Variants in PRRC2B observed in about 807,000 individuals in gnomAD.
The protein encoded by PRRC2B is proline rich coiled-coil 2B, also known as protein PRRC2B.
PRRC2B carries 68 observed loss-of-function variants against 242.3 expected under a neutral mutation model. The observed-to-expected ratio is 0.28, with a 90% CI of 0.23 to 0.34. PRRC2B has a LOEUF of 0.34. PRRC2B is among the 10% of genes least tolerant of loss of function. PRRC2B has a pLI of 1.00. For synonymous variants in PRRC2B, 1,228 were observed against 1,173.6 expected, an observed-to-expected ratio of 1.05 and a Z score of -0.95; for missense variants, 2,835 against 2,954.8, an observed-to-expected ratio of 0.96 and a Z score of 0.94.
intron 1 of PRRC2B, among the ~76,000 whole-genome samples, chr9:131,402,199 G>T (rs1837245841): frequency 6.6e-6 from 1 of 152,134 alleles, no homozygotes; most frequent in Non-Finnish European, 1.5e-5. Flanking sequence ...CAAGCGATTT[G>T]CCTGCCTCGG....
rs571966083 is a variant in PRRC2B at position 131,462,713 on chromosome 9, C to T, written c.1405-2050C>T. ...ATTAGCCAGGCGTGGTGCCGCACGC[C>T]GGTATTCCCAGCTACTCAGGAGGCT... On this transcript the variant is annotated intron_variant, in intron 11 of 31. Coordinates refer to ENST00000683519, the MANE Select transcript of PRRC2B (RefSeq NM_013318.4). Among the ~76,000 whole-genome samples the T allele has an allele frequency of 4.6e-5, 7 of 151,034 alleles. No individual in the cohort carries two copies. The South Asian group carries it at 1.1e-3, about 23-fold the overall frequency.
At position 131,423,699 on chromosome 9, in the gene PRRC2B, T is replaced by C. The variant is rs1837907594; in HGVS notation, c.-51-6395T>C. Among the ~76,000 whole-genome samples the C allele has an allele frequency of 2.0e-5, 3 of 152,228 alleles. No individual in the cohort carries two copies. The South Asian group carries it at 6.2e-4, about 32-fold the overall frequency. On this transcript the variant is annotated intron_variant, in intron 1 of 31. Transcript: ENST00000683519. ...GCTTTGTGGGCCATAGATGGCCTCT[T>C]GCTTATTTCTCTTCAGGCTGCCGGC...
intron 5 of PRRC2B, among the ~76,000 whole-genome samples, chr9:131,440,036 T>G (rs1358305059): frequency 6.6e-6 from 1 of 152,024 alleles, no homozygotes; most frequent in Non-Finnish European, 1.5e-5. Flanking sequence ...CACAGGCGCA[T>G]GCACCACCAC....
chr9:131,485,991 G>T, intron 25 of PRRC2B, 94 bp from the exon 26 acceptor site: 1 of 886,872 alleles, frequency 1.1e-6, no homozygotes, highest in Non-Finnish European at 1.9e-6. Flanking sequence ...GAGTCCCCTG[G>T]GTAGAGCAGA....
intron 1 of PRRC2B, among the ~76,000 whole-genome samples, chr9:131,420,453 T>TCTC (rs1837776424): frequency 6.6e-5 from 4 of 61,056 alleles, no homozygotes; most frequent in Admixed American, 6.4e-4. Context: ...TTCTTTTTCT[T>TCTC]TTTCTTTCTT....
chr9:131,375,918 G>A (rs1464996701), intron 1 of PRRC2B, among the ~76,000 whole-genome samples: 1 of 150,828 alleles, frequency 6.6e-6, no homozygotes. Flanking sequence ...GCATGGTGGC[G>A]ATTGCCTGTA....
At position 131,477,762 on chromosome 9, in the gene PRRC2B, G is replaced by A. The variant is rs775618866; in HGVS notation, c.4425G>A (p.Leu1475=). 2 of 1,607,754 alleles carry A rather than the reference G, an allele frequency of 1.2e-6. No homozygotes were observed. The highest frequency in any genetic ancestry group is 2.2e-5 in the East Asian group (1 of 44,832). Residue 1475 remains leucine (L), a synonymous_variant, in exon 17 of 32, where the codon TTG becomes TTA. Transcript: ENST00000683519. The part of the protein sequence containing the change: ...LKVKRSPDEA[L]PGGLSGCSSG... ...CTTACAGATCCCCAGACGAGGCCTT[G>A]CCTGGAGGTCTTAGTGGCTGCAGCA...
chr9:131,398,555 A>G (rs1306731536), intron 1 of PRRC2B, among the ~76,000 whole-genome samples: 3 of 152,162 alleles, frequency 2.0e-5, no homozygotes, highest in Non-Finnish European at 4.4e-5. Context: ...CCTTTCCAAG[A>G]TAACCATCAG....
At chr9:131,429,787 C>G (rs1838074083) in intron 1 of PRRC2B, among the ~76,000 whole-genome samples, 1 of 152,068 alleles carries the variant, frequency 6.6e-6, no homozygotes. Flanking sequence ...GTTTACATGT[C>G]AGTGTGGTTG....
At position 131,475,055 on chromosome 9, in the gene PRRC2B, G is replaced by A. The variant is rs1943649582; in HGVS notation, c.2926G>A (p.Glu976Lys). The change falls in exon 16 of 32, where the codon GAG becomes AAG. Residue 976 changes from glutamate to lysine, a missense_variant. Physicochemically the swap from Glu to Lys is moderately conservative, Grantham distance 56. Transcript: ENST00000683519. ...GGAGGAGAGTACCCGGCTGGCCAAG[G>A]AGAAGGAGCAGAGCCCCACGGCAGA... ...LGEESTRLAK[E>K]KEQSPTAEKD... The A allele has an allele frequency of 1.2e-6, 2 of 1,610,710 alleles. No homozygotes were observed. The highest frequency in any genetic ancestry group is 2.2e-5 in the East Asian group (1 of 44,734).
intron 1 of PRRC2B, among the ~76,000 whole-genome samples, chr9:131,420,499 T>TCTTTCCTTCCTTCTTTC (rs889470295): frequency 1.2e-5 from 1 of 84,494 alleles, no homozygotes; most frequent in African/African-American, 4.4e-5. Flanking sequence ...CTTTCTTTTT[T>TCTTTCCTTCCTTCTTTC]TTTTTTTTTT....
chr9:131,430,097 G>A lies in PRRC2B; in HGVS notation c.-48G>A, dbSNP rs1320913497. The A allele has an allele frequency of 1.2e-5, 12 of 971,750 alleles. No individual in the cohort carries two copies. The highest frequency in any genetic ancestry group is 1.1e-4 in the Admixed American group (5 of 47,484). The allele number at this position is 971,750 out of a possible 1,614,324, so 60.2% of individuals were successfully genotyped here. A position where few individuals can be genotyped will look rare whatever the true frequency, so the allele number is the denominator to read the frequency against. ...TTCTTCTCTATTTCAAAGGCAGATCGGGAGCGGTGCCGAGAAAAATTTCCT... is the reference window on the plus strand; with the variant it reads ...TTCTTCTCTATTTCAAAGGCAGATCAGGAGCGGTGCCGAGAAAAATTTCCT... On this transcript the variant is annotated 5_prime_UTR_variant, in exon 2 of 32. Coordinates refer to ENST00000683519, the MANE Select transcript of PRRC2B (RefSeq NM_013318.4).
intron 18 of PRRC2B, 75 bp from the exon 19 acceptor site, chr9:131,479,176 TG>T: frequency 6.8e-7 from 1 of 1,479,610 alleles, no homozygotes; most frequent in Non-Finnish European, 9.3e-7. Flanking sequence ...TTTTGGTACC[TG>T]GGATACTTAT....
chr9:131,457,590 C>A (rs756131410), intron 10 of PRRC2B, among the ~76,000 whole-genome samples: 1 of 152,188 alleles, frequency 6.6e-6, no homozygotes, highest in Non-Finnish European at 1.5e-5. Context: ...ACACAATTGG[C>A]TCCCAAAACT....
rs150830972 is a variant in PRRC2B, at chr9:131,434,616, G to A, written c.293+1822G>A. Among the ~76,000 whole-genome samples the A allele has an allele frequency of 1.8e-3, 274 of 152,364 alleles. 2 individuals carry two copies. Among genetic ancestry groups the A allele is most frequent in the African/African-American group, 6.2e-3 (259 of 41,592 alleles). The stretch of plus-strand genomic sequence containing the variant: ...GTAAGAACCCGATCAGTAGCCTTCT[G>A]TTTGTAATAATCACGAATGGTGAGT... On this transcript the variant is annotated intron_variant, in intron 3 of 31. Transcript: ENST00000683519.
intron 1 of PRRC2B, among the ~76,000 whole-genome samples, chr9:131,416,262 C>T (rs1041505470): frequency 3.9e-5 from 6 of 152,106 alleles, no homozygotes; most frequent in Non-Finnish European, 5.9e-5. Context: ...GCGCATGCCA[C>T]CACGCCTGAC....
In PRRC2B at chr9:131,487,741, G is replaced by T; in HGVS notation, c.5985-115G>T. 7.2e-7 allele frequency: 1 copy of T among 1,396,908 alleles called. No individual in the cohort carries two copies. Among genetic ancestry groups the T allele is most frequent in the Non-Finnish European group, 9.6e-7 (1 of 1,040,366 alleles). 86.5% of individuals were successfully genotyped at this position (1,396,908 alleles called of 1,614,324 possible). A position where few individuals can be genotyped will look rare whatever the true frequency, so the allele number is the denominator to read the frequency against. On this transcript the variant is annotated intron_variant, in intron 27 of 31. Transcript: ENST00000683519. This position sits in a 1 kb window ranked among gnomAD's most constrained non-coding sequence, Gnocchi z 5.3. The stretch of plus-strand genomic sequence containing the variant: ...CTGGACCCTCTGAGTCGCGCTCTGG[G>T]GGTGGGGCCGGGGATCTGTGGTTTA...
At chr9:131,387,528 T>A (rs1836841155) in intron 1 of PRRC2B, among the ~76,000 whole-genome samples, 1 of 150,404 alleles carries the variant, frequency 6.6e-6, no homozygotes, top group African/African-American at 2.4e-5. Context: ...CCAAATGGAC[T>A]AAGTCCTTGT....
chr9:131,486,597 G>C, intron 26 of PRRC2B: 2 of 497,430 alleles, frequency 4.0e-6, no homozygotes, highest in Non-Finnish European at 5.2e-6. Context: ...CATACTTTCT[G>C]TGCTGCCAAG....
Sources: allele counts gnomAD v4.1 joint callset (sites outside exome capture counted in the v4.1 genomes callset), GRCh38; gene constraint gnomAD v4.1.1; non-coding constraint Gnocchi (gnomAD v3.1); transcripts MANE v1.5; gene names NCBI Gene and HGNC (gene_info 2026-07-23, HGNC 2026-07-21).